Variants in UGT1A8 observed in about 807,000 individuals in gnomAD.
UGT1A8 encodes the protein UDP-glucuronosyltransferase 1A8.
Under a neutral mutation model 45.3 loss-of-function variants are expected in UGT1A8, and 39 were observed. The ratio of observed to expected loss-of-function variants is 0.86; its 90% confidence interval spans 0.67 to 1.12. UGT1A8 has a LOEUF of 1.12. Among genes scored for constraint, UGT1A8 ranks in the 50% most tolerant of loss-of-function variants. UGT1A8 has a pLI of 0.00. For missense variants in UGT1A8, 719 were observed against 664.9 expected (o/e 1.08, Z -0.90); for synonymous variants, 275 against 249.2 (o/e 1.10, Z -0.97).
intron 1 of UGT1A8, among the ~76,000 whole-genome samples, chr2:233,676,357 G>A (rs909982063): frequency 6.6e-6 from 1 of 152,106 alleles, no homozygotes; most frequent in Non-Finnish European, 1.5e-5. Context: ...ATAAATATAG[G>A]ATTATAGCAA....
rs45531144 is a variant in UGT1A8 at position 233,694,707 on chromosome 2, C to T, written c.856-72327C>T. 5.7e-3 allele frequency among the ~76,000 whole-genome samples: 869 copies of T among 152,246 alleles called. 43 individuals are homozygous for T. In the East Asian group the frequency reaches 0.11, roughly 19 times the overall value. ...CAAAGACCCTTACCTCTCTTCTTTA[C>T]ACCTGCTGATTTCTCTGTTAACAAT... On this transcript the variant is annotated intron_variant, in intron 1 of 4. Coordinates refer to ENST00000373450, the MANE Select transcript of UGT1A8 (RefSeq NM_019076.5).
chr2:233,651,562 C>T (rs535436202), intron 1 of UGT1A8, among the ~76,000 whole-genome samples: 2 of 152,222 alleles, frequency 1.3e-5, no homozygotes, highest in African/African-American at 4.8e-5. Context: ...ATTCAGATAT[C>T]AAAGAGTGCC....
chr2:233,671,130 C>A (rs191774843), intron 1 of UGT1A8, among the ~76,000 whole-genome samples: 1 of 152,276 alleles, frequency 6.6e-6, no homozygotes, highest in Non-Finnish European at 1.5e-5. Flanking sequence ...CTGAGAGAGA[C>A]AAGTACATAT....
At position 233,772,550 on chromosome 2, in the gene UGT1A8, G is replaced by A. The variant is rs762374323; in HGVS notation, c.1584G>A (p.Lys528=). The change falls in exon 5 of 5, where the codon AAG becomes AAA. Residue 528 remains lysine, a synonymous_variant. Transcript: ENST00000373450. ...GAGTTAAGAAAGCCCACAAATCCAA[G>A]ACCCATTGAGAAGTGGGTGGGAAAT... ...KGRVKKAHKS[K]TH 21 of 1,613,880 alleles carry A rather than the reference G, an allele frequency of 1.3e-5. No homozygotes were observed. The highest frequency in any genetic ancestry group is 1.5e-5 in the Non-Finnish European group (18 of 1,179,970).
In UGT1A8 at chr2:233,618,358, T is replaced by A. The variant is rs2072941853; in HGVS notation, c.651T>A (p.His217Gln). 1.2e-6 allele frequency: 2 copies of A among 1,613,908 alleles called. No homozygotes were observed. Among genetic ancestry groups the A allele is most frequent in the Non-Finnish European group, 1.7e-6 (2 of 1,179,850 alleles). The stretch of plus-strand genomic sequence containing the variant: ...ACCACATCATGCACTTGGAGGAACA[T>A]TTATTTTGCCAGTATTTTTCCAAAA... ...VRNHIMHLEE[H>Q]LFCQYFSKNA... The change falls in exon 1 of 5, where the codon CAT becomes CAA. Residue 217 changes from histidine to glutamine, a missense_variant. Transcript: ENST00000373450.
At chr2:233,641,256 C>A (rs1180768305) in intron 1 of UGT1A8, among the ~76,000 whole-genome samples, 1 of 152,158 alleles carries the variant, frequency 6.6e-6, no homozygotes, top group African/African-American at 2.4e-5. Context: ...TCCCATGCCA[C>A]ACCAGTCTCA....
intron 1 of UGT1A8, chr2:233,743,409 A>G: frequency 7.6e-7 from 1 of 1,312,950 alleles, no homozygotes; most frequent in Non-Finnish European, 1.0e-6. Context: ...AAAGGCCCCC[A>G]CTTCCCAGGG....
chr2:233,745,155 C>G (rs1330223752), intron 1 of UGT1A8, among the ~76,000 whole-genome samples: 5 of 151,764 alleles, frequency 3.3e-5, no homozygotes, highest in Admixed American at 6.6e-5. Flanking sequence ...TATGGAGGGT[C>G]AAATGTGCAT....
intron 1 of UGT1A8, chr2:233,719,222 T>A: frequency 1.2e-6 from 2 of 1,614,238 alleles, no homozygotes; most frequent in Admixed American, 1.7e-5. Context: ...TACTGCATAA[T>A]GAGGCCCTGA....
chr2:233,699,577 G>A (rs1442850819), intron 1 of UGT1A8, among the ~76,000 whole-genome samples: 1 of 152,206 alleles, frequency 6.6e-6, no homozygotes, highest in Non-Finnish European at 1.5e-5. Context: ...CTGGCTCTAG[G>A]ACATCCTTTC....
chr2:233,772,111 T>C (rs1459691465), intron 4 of UGT1A8, 151 bp from the exon 5 acceptor site: 1 of 1,527,060 alleles, frequency 6.5e-7, no homozygotes, highest in East Asian at 2.5e-5. Context: ...AGACTCTGTA[T>C]CTAAAAACAA....
chr2:233,751,463 C>T lies in UGT1A8; in HGVS notation c.856-15571C>T, dbSNP rs191766530. ...ACTTTGGAAGATTGTTGGGAAGGCA[C>T]GATTGGTTTTGAAATGTGAAAAGAC... On this transcript the variant is annotated intron_variant, in intron 1 of 4. Transcript: ENST00000373450. Among the ~76,000 whole-genome samples, 221 of 152,178 alleles carry T rather than the reference C, an allele frequency of 1.5e-3. 1 individual carries two copies. Among genetic ancestry groups the T allele is most frequent in the African/African-American group, 4.9e-3 (203 of 41,476 alleles).
chr2:233,769,464 CGTGT>C lies in UGT1A8; in HGVS notation c.1295+1037_1295+1040del, dbSNP rs145239529. ...GGGTGCACACGTGTGCATTCATATG[CGTGT>C]GTGTGTGTGTGCGTGTGTTTATGAG... On this transcript the variant is annotated intron_variant, in intron 4 of 4. Coordinates refer to ENST00000373450, the MANE Select transcript of UGT1A8 (RefSeq NM_019076.5). This position sits in a 1 kb window ranked among gnomAD's most constrained non-coding sequence, Gnocchi z 4.4. The C allele has an allele frequency of 5.3e-6, 8 of 1,502,902 alleles. No individual in the cohort carries two copies. The highest frequency in any genetic ancestry group is 6.4e-6 in the Non-Finnish European group (7 of 1,095,102). The allele number at this position is 1,502,902 out of a possible 1,614,324, so 93.1% of individuals were successfully genotyped here.
intron 1 of UGT1A8, among the ~76,000 whole-genome samples, chr2:233,703,008 A>G (rs1220956352): frequency 6.6e-6 from 1 of 152,230 alleles, no homozygotes; most frequent in African/African-American, 2.4e-5. Flanking sequence ...TTTTGGGAAC[A>G]GTCTGTCAAG....
intron 1 of UGT1A8, chr2:233,713,996 A>G: frequency 6.4e-7 from 1 of 1,559,392 alleles, no homozygotes; most frequent in Non-Finnish European, 8.7e-7. Context: ...AATAGTCTTC[A>G]GTGAGATAAA....
At chr2:233,710,864 A>T (rs1455243493) in intron 1 of UGT1A8, among the ~76,000 whole-genome samples, 1 of 152,198 alleles carries the variant, frequency 6.6e-6, no homozygotes, top group Non-Finnish European at 1.5e-5. Context: ...TATGTTTTTT[A>T]AAAAAGTTAA....
At chr2:233,713,240 A>G (rs1016025091) in intron 1 of UGT1A8, 10 of 1,614,146 alleles carry the variant, frequency 6.2e-6, no homozygotes, top group African/African-American at 2.7e-5. Context: ...ATGCCATTTC[A>G]TGGACCCAGG....
chr2:233,744,013 C>G, intron 1 of UGT1A8: 1 of 1,057,576 alleles, frequency 9.5e-7, no homozygotes. Flanking sequence ...ACCTGGGCCG[C>G]CTGGAGAGAC....
intron 1 of UGT1A8, among the ~76,000 whole-genome samples, chr2:233,649,596 A>T (rs150642758): frequency 6.6e-6 from 1 of 152,242 alleles, no homozygotes; most frequent in Admixed American, 6.5e-5. Context: ...ACTTGCCAGT[A>T]AACCAGAGAC....
Sources: allele counts gnomAD v4.1 joint callset (sites outside exome capture counted in the v4.1 genomes callset), GRCh38; gene constraint gnomAD v4.1.1; non-coding constraint Gnocchi (gnomAD v3.1); transcripts MANE v1.5; gene names NCBI Gene and HGNC (gene_info 2026-07-23, HGNC 2026-07-21).